LMNTD1: variants seen among roughly 807,000 people sequenced by gnomAD.
LMNTD1 encodes the protein lamin tail domain containing 1.
In LMNTD1, 35 loss-of-function variants were observed where a neutral mutation model predicts 50.9. That is an observed-to-expected ratio of 0.69 (90% CI 0.53 to 0.91). The LOEUF (loss-of-function observed/expected upper bound fraction) is 0.91. Among genes scored for constraint, LMNTD1 ranks in the 40% least tolerant of loss-of-function variants. The pLI, the probability that LMNTD1 is intolerant of heterozygous loss-of-function variation, is 0.00. For synonymous variants in LMNTD1, 153 were observed against 161.9 expected, an observed-to-expected ratio of 0.94 and a Z score of 0.42; for missense variants, 470 against 475.5, an observed-to-expected ratio of 0.99 and a Z score of 0.11.
Position 25,575,394 on chromosome 12 carries a change from C to T in LMNTD1, c.59-28840G>A, listed in dbSNP as rs1461449146. ...AAGTGGTCTCTGACTGGTAGTGTCCCTAGTTAACTGTTGGAAATAAATGCT... is the reference window on the plus strand; with the variant it reads ...AAGTGGTCTCTGACTGGTAGTGTCCTTAGTTAACTGTTGGAAATAAATGCT... On this transcript the variant is annotated intron_variant, in intron 1 of 7. Coordinates refer to the LMNTD1 transcript ENST00000445693. Among the ~76,000 whole-genome samples the T allele has an allele frequency of 5.9e-5, 9 of 152,234 alleles. No individual in the cohort carries two copies. In the East Asian group the frequency reaches 1.7e-3, roughly 29 times the overall value.
intron 4 of LMNTD1, 28 bp downstream of exon 4, chr12:25,546,346 T>C: frequency 2.0e-6 from 3 of 1,464,058 alleles, no homozygotes; most frequent in Non-Finnish European, 2.8e-6. Flanking sequence ...CGACAGAAGA[T>C]ACTAAGTAGT....
At chr12:25,642,320 G>T (rs1243536714) in intron 1 of LMNTD1, among the ~76,000 whole-genome samples, 2 of 152,166 alleles carry the variant, frequency 1.3e-5, no homozygotes, top group Admixed American at 1.3e-4. Flanking sequence ...CATGAGGGTT[G>T]AGCCCCCATA....
chr12:25,596,193 GA>G (rs1400000156), intron 1 of LMNTD1, among the ~76,000 whole-genome samples: 2 of 151,986 alleles, frequency 1.3e-5, no homozygotes, highest in African/African-American at 2.4e-5. Context: ...CCAGAAGATA[GA>G]AAAAGAGGGA....
intron 1 of LMNTD1, among the ~76,000 whole-genome samples, chr12:25,612,223 G>A (rs1458074678): frequency 6.6e-6 from 1 of 151,330 alleles, no homozygotes; most frequent in African/African-American, 2.4e-5. Context: ...ACAAATGAAT[G>A]AACAATCTGG....
chr12:25,608,019 T>G (rs1946153601), intron 1 of LMNTD1, among the ~76,000 whole-genome samples: 1 of 152,190 alleles, frequency 6.6e-6, no homozygotes, highest in Admixed American at 6.5e-5. Flanking sequence ...TGGGTGCTCC[T>G]GTATTGGGTG....
chr12:25,539,526 C>G (rs1051011596), intron 4 of LMNTD1, among the ~76,000 whole-genome samples: 2 of 151,426 alleles, frequency 1.3e-5, no homozygotes, highest in African/African-American at 4.9e-5. Flanking sequence ...TTGAAACCAA[C>G]GAGAACAAAG....
chr12:25,509,591 T>G (rs1302987865), intron 8 of LMNTD1, among the ~76,000 whole-genome samples: 4 of 152,244 alleles, frequency 2.6e-5, no homozygotes, highest in African/African-American at 4.8e-5. Flanking sequence ...GATTGAATTG[T>G]GTCTCCCTAA....
intron 1 of LMNTD1, among the ~76,000 whole-genome samples, chr12:25,615,847 CTAAAG>C (rs1295988604): frequency 6.6e-6 from 1 of 152,110 alleles, no homozygotes; most frequent in Non-Finnish European, 1.5e-5. Context: ...CTGGAGTTTA[CTAAAG>C]TAGATTTTTT....
rs1248868139 is a variant in LMNTD1, at chr12:25,593,910, G to GA, written c.59-47357dup. ...TCAGGAAACAATGGACACACTTATA[G>GA]AAACGCAAAATGCTGTGGCAAGTCT... is the stretch of plus-strand genomic sequence containing the variant. On this transcript the variant is annotated intron_variant, in intron 1 of 7. Transcript: ENST00000445693. Among the ~76,000 whole-genome samples, 7 of 152,036 alleles carry GA rather than the reference G, an allele frequency of 4.6e-5. No homozygotes were observed. The East Asian group carries it at 1.3e-3, about 29-fold the overall frequency.
chr12:25,599,100 A>T (rs573607066), intron 1 of LMNTD1, among the ~76,000 whole-genome samples: 1 of 152,206 alleles, frequency 6.6e-6, no homozygotes, highest in African/African-American at 2.4e-5. Context: ...CAATACATTT[A>T]AAAGATCATT....
At chr12:25,495,248 A>ACG (rs1565940036) in intron 9 of LMNTD1, among the ~76,000 whole-genome samples, 6 of 46,344 alleles carry the variant, frequency 1.3e-4, no homozygotes, top group Non-Finnish European at 2.5e-4. Flanking sequence ...TAAAGTGTGT[A>ACG]CGTGTGTGTG....
chr12:25,622,418 G>T (rs1946489896), intron 1 of LMNTD1, among the ~76,000 whole-genome samples: 1 of 141,980 alleles, frequency 7.0e-6, no homozygotes, highest in South Asian at 2.3e-4. Flanking sequence ...AACATAAAAA[G>T]AAAAGTTGCG....
chr12:25,586,417 A>G (rs1945525315), intron 1 of LMNTD1, among the ~76,000 whole-genome samples: 1 of 152,094 alleles, frequency 6.6e-6, no homozygotes, highest in South Asian at 2.1e-4. Flanking sequence ...GAAATACTGC[A>G]GTAATCTTTT....
chr12:25,539,024 C>G (rs1302292167), intron 4 of LMNTD1, among the ~76,000 whole-genome samples: 3 of 151,554 alleles, frequency 2.0e-5, no homozygotes, highest in African/African-American at 7.3e-5. Context: ...GAAGAGCTAA[C>G]TATCCTAAAT....
rs829034 is a variant in LMNTD1, at chr12:25,548,467, A to T, written c.310+859T>A. Among the ~76,000 whole-genome samples the T allele has an allele frequency of 2.6e-4, 39 of 151,644 alleles. 1 individual carries two copies. Among genetic ancestry groups the T allele is most frequent in the Admixed American group, 2.3e-3 (35 of 15,218 alleles). On this transcript the variant is annotated intron_variant, in intron 3 of 9. Coordinates refer to ENST00000458174, the MANE Select transcript of LMNTD1 (RefSeq NM_001145728.2). Reference sequence around the variant, plus strand: ...TTTTAAAAGAAGGTGCTTACAGGTAAGTTCAGATTCATAACTAATGTTTAT... The same window carrying T: ...TTTTAAAAGAAGGTGCTTACAGGTATGTTCAGATTCATAACTAATGTTTAT...
intron 9 of LMNTD1, among the ~76,000 whole-genome samples, chr12:25,476,725 C>T (rs2279477): frequency 0.17 from 25,577 of 152,002 alleles, 2,730 homozygotes; most frequent in East Asian, 0.52. Flanking sequence ...CAGTTTTGAC[C>T]TTGACTTCTA....
At chr12:25,526,539 A>G (rs1054584146) in intron 5 of LMNTD1, among the ~76,000 whole-genome samples, 3 of 152,188 alleles carry the variant, frequency 2.0e-5, no homozygotes, top group African/African-American at 7.2e-5. Context: ...TTATAAAAAC[A>G]AAAGATATTG....
intron 9 of LMNTD1, among the ~76,000 whole-genome samples, chr12:25,486,173 T>G (rs1407238624): frequency 2.2e-5 from 3 of 134,524 alleles, no homozygotes; most frequent in Non-Finnish European, 4.8e-5. Context: ...GTATCCTCTT[T>G]TATTTCATTG....
intron 1 of LMNTD1, among the ~76,000 whole-genome samples, chr12:25,598,453 A>G (rs974501258): frequency 6.6e-6 from 1 of 152,054 alleles, no homozygotes; most frequent in Non-Finnish European, 1.5e-5. Context: ...AAGAACTAGA[A>G]AAGTAAGAGC....
Sources: allele counts gnomAD v4.1 joint callset (sites outside exome capture counted in the v4.1 genomes callset), GRCh38; gene constraint gnomAD v4.1.1; transcripts MANE v1.5; gene names NCBI Gene and HGNC (gene_info 2026-07-23, HGNC 2026-07-21).